The following ERBB3 variants were observed in gnomAD, a reference collection of about 807,000 sequenced individuals.
The protein encoded by ERBB3 is receptor tyrosine-protein kinase erbB-3.
A neutral mutation model predicts 156.7 loss-of-function variants in ERBB3; 96 were observed. That is an observed-to-expected ratio of 0.61 (90% CI 0.52 to 0.73). The LOEUF (loss-of-function observed/expected upper bound fraction) is 0.73, where lower values mean the gene tolerates loss of function less well. ERBB3 is among the 30% of genes least tolerant of loss of function. The pLI is 0.00. For missense variants in ERBB3, 1,406 were observed against 1,709.4 expected (o/e 0.82, Z 3.13); for synonymous variants, 567 against 632.0 (o/e 0.90, Z 1.54).
intron 1 of ERBB3, chr12:56,083,195 C>T (rs1485689746): frequency 1.1e-5 from 2 of 183,726 alleles, no homozygotes; most frequent in Admixed American, 1.1e-4. Flanking sequence ...GTGGGGCAGC[C>T]CCCCTCCTGG....
At chr12:56,091,302 T>TATATATATATAAATA (rs1565858549) in intron 9 of ERBB3, among the ~76,000 whole-genome samples, 1 of 85,788 alleles carries the variant, frequency 1.2e-5, no homozygotes, top group African/African-American at 4.7e-5. Flanking sequence ...ATATAAATAA[T>TATATATATATAAATA]ATATATAAAT....
intron 1 of ERBB3, among the ~76,000 whole-genome samples, chr12:56,081,884 C>T (rs1868357959): frequency 1.3e-5 from 2 of 152,112 alleles, no homozygotes; most frequent in South Asian, 4.1e-4. Context: ...TGTGACACTG[C>T]CCCTCCCTAT....
chr12:56,094,600 AG>A lies in ERBB3; in HGVS notation c.1859+46del. The stretch of plus-strand genomic sequence containing the variant: ...AGGAGAGGGGGTCAGGTGGAAGGGT[AG>A]GAGCACAGAACTAGAGTGAGGGAAG... On this transcript the variant is annotated intron_variant, in intron 15 of 27. Transcript: ENST00000267101. 5 of 1,602,896 alleles carry A rather than the reference AG, an allele frequency of 3.1e-6. No individual in the cohort carries two copies. In the South Asian group the frequency reaches 5.5e-5, roughly 18 times the overall value.
chr12:56,087,171 A>G (rs183933151), intron 4 of ERBB3, among the ~76,000 whole-genome samples: 13 of 150,826 alleles, frequency 8.6e-5, no homozygotes, highest in Admixed American at 2.0e-4. Flanking sequence ...AGTACTAAGC[A>G]GGGAAGCCAG....
rs1868800105 is a variant in ERBB3 at position 56,093,839 on chromosome 12, C to G, written c.1556C>G (p.Ser519Cys). The G allele has an allele frequency of 1.2e-6, 2 of 1,614,010 alleles. No individual in the cohort carries two copies. Among genetic ancestry groups the G allele is most frequent in the Non-Finnish European group, 1.7e-6 (2 of 1,179,980 alleles). ...CWGPGPGQCLSCRNYSRGGVC... is the reference protein window; with the variant it reads ...CWGPGPGQCLCCRNYSRGGVC... ...GGCCCAGGCCCTGGTCAGTGCTTGTCCTGTCGAAATTATAGCCGAGGAGGT... is the reference window on the plus strand; with the variant it reads ...GGCCCAGGCCCTGGTCAGTGCTTGTGCTGTCGAAATTATAGCCGAGGAGGT... The change falls in exon 13 of 28, where the codon TCC (serine) becomes TGC (cysteine). Residue 519 changes from serine to cysteine, a missense_variant. This residue lies in a region of ERBB3 where 979 missense variants were observed against 1,219.6 expected (regional missense o/e 0.80). Transcript: ENST00000267101.
In ERBB3 at chr12:56,093,365, T is replaced by C. The variant is rs756381479; in HGVS notation, c.1295T>C (p.Ile432Thr). The C allele has an allele frequency of 6.2e-7, 1 of 1,613,928 alleles. No homozygotes were observed. Among genetic ancestry groups the C allele is most frequent in the South Asian group, 1.1e-5 (1 of 91,078 alleles). Residue 432 changes from isoleucine to threonine, a missense_variant, in exon 12 of 28, where the codon ATC (isoleucine) becomes ACC (threonine). By Grantham distance (89) the Ile-to-Thr change is moderately conservative. This residue lies in a region of ERBB3 where 979 missense variants were observed against 1,219.6 expected (regional missense o/e 0.80). Transcript: ENST00000267101. ...SLYNRGFSLL[I>T]MKNLNVTSLG... ...CTCAGCCGGGGCTTCTCATTGTTGATCATGAAGAACTTGAATGTCACATCT... is the reference window on the plus strand; with the variant it reads ...CTCAGCCGGGGCTTCTCATTGTTGACCATGAAGAACTTGAATGTCACATCT...
At position 56,091,297 on chromosome 12, in the gene ERBB3, A is replaced by ATATATATATAT. The variant is rs1565858524; in HGVS notation, c.1110-1450_1110-1449insTATATATATAT. On this transcript the variant is annotated intron_variant, in intron 9 of 27. Coordinates refer to ENST00000267101, the MANE Select transcript of ERBB3 (RefSeq NM_001982.4). The stretch of plus-strand genomic sequence containing the variant: ...ATATATATATATATATATATATATA[A>ATATATATATAT]ATAATATATATAAATATAAATATAT... Among the ~76,000 whole-genome samples, 34 of 53,396 alleles carry ATATATATATAT rather than the reference A, an allele frequency of 6.4e-4. 3 individuals carry two copies. The highest frequency in any genetic ancestry group is 1.2e-3 in the Non-Finnish European group (29 of 23,994). The allele number at this position is 53,396 out of a possible 152,430, so 35.0% of individuals were successfully genotyped here.
In ERBB3 at chr12:56,083,902, G is replaced by C. The variant is rs1868392967; in HGVS notation, c.234G>C (p.Gln78His). ...TGHNADLSFL[Q>H]WIREVTGYVL... Reference sequence around the variant, plus strand: ...ACAATGCCGACCTCTCCTTCCTGCAGGTTAGTGAGCCCACCCTCCTTCCTC... The same window carrying C: ...ACAATGCCGACCTCTCCTTCCTGCACGTTAGTGAGCCCACCCTCCTTCCTC... The change falls in exon 2 of 28, where the codon CAG (glutamine) becomes CAC (histidine). Residue 78 changes from glutamine to histidine, a missense_variant and splice_region_variant. Physicochemically the swap from Gln to His is conservative, Grantham distance 24. This residue lies in a region of ERBB3 where 979 missense variants were observed against 1,219.6 expected (regional missense o/e 0.80). Coordinates refer to ENST00000267101, the MANE Select transcript of ERBB3 (RefSeq NM_001982.4). 5 of 1,613,996 alleles carry C rather than the reference G, an allele frequency of 3.1e-6. No homozygotes were observed. The highest frequency in any genetic ancestry group is 4.2e-6 in the Non-Finnish European group (5 of 1,179,942).
At position 56,092,835 on chromosome 12, in the gene ERBB3, G is replaced by C; in HGVS notation, c.1183+15G>C. 1.2e-6 allele frequency: 2 copies of C among 1,611,848 alleles called. No homozygotes were observed. The highest frequency in any genetic ancestry group is 1.7e-6 in the Non-Finnish European group (2 of 1,177,884). ...GGAGATCACAGGTGAGTGGCAGAGA[G>C]TTTGCCCTTTCTAGAAGAATAGGTG... On this transcript the variant is annotated intron_variant, in intron 10 of 27. Coordinates refer to ENST00000267101, the MANE Select transcript of ERBB3 (RefSeq NM_001982.4).
chr12:56,087,360 C>T (rs1868519539), intron 4 of ERBB3, among the ~76,000 whole-genome samples: 1 of 152,148 alleles, frequency 6.6e-6, no homozygotes. Flanking sequence ...AGTCCCTCCC[C>T]TTCAGCTGCC....
chr12:56,084,162 T>G (rs1379725886), intron 2 of ERBB3, among the ~76,000 whole-genome samples: 4 of 152,030 alleles, frequency 2.6e-5, no homozygotes, highest in Non-Finnish European at 5.9e-5. Context: ...CAGGGACTAG[T>G]GCAGAGAGAA....
At chr12:56,101,419 C>T (rs1869099854) in intron 27 of ERBB3, 58 bp downstream of exon 27, 4 of 1,595,670 alleles carry the variant, frequency 2.5e-6, no homozygotes, top group Non-Finnish European at 1.7e-6. Flanking sequence ...TCCCCGGGCT[C>T]CTCTTTTTTC....
chr12:56,084,737 A>C (rs1868416400), intron 2 of ERBB3, among the ~76,000 whole-genome samples: 1 of 152,128 alleles, frequency 6.6e-6, no homozygotes, highest in South Asian at 2.1e-4. Context: ...AATCCCAGCT[A>C]CTTGGGAGGC....
rs543942622 is a variant in ERBB3, at chr12:56,093,856, C to T, written c.1573C>T (p.Arg525Ter). ...GQCLSCRNYSRGGVCVTHCNF... is the reference protein window; with the variant it reads ...GQCLSCRNYS ...GTGCTTGTCCTGTCGAAATTATAGC[C>T]GAGGAGGTGTCTGTGTGACCCACTG... The change falls in exon 13 of 28, where the codon CGA becomes TGA. Residue 525 changes from arginine to a stop codon, truncating the protein, a stop_gained. Coordinates refer to ENST00000267101, the MANE Select transcript of ERBB3 (RefSeq NM_001982.4). LOFTEE classifies it high-confidence loss of function. 3.7e-6 allele frequency: 6 copies of T among 1,612,936 alleles called. No individual in the cohort carries two copies. Among genetic ancestry groups the T allele is most frequent in the East Asian group, 2.2e-5 (1 of 44,812 alleles).
chr12:56,093,710 A>C (rs1414851821), intron 12 of ERBB3, 54 bp from the exon 13 acceptor site: 4 of 1,611,076 alleles, frequency 2.5e-6, no homozygotes, highest in African/African-American at 1.3e-5. Flanking sequence ...TAATGAAGAG[A>C]GGGCTTGCTG....
In ERBB3 at chr12:56,095,344, A is replaced by G. The variant is rs769204920; in HGVS notation, c.1913+34A>G. 19 of 1,584,874 alleles carry G rather than the reference A, an allele frequency of 1.2e-5. No individual in the cohort carries two copies. In the South Asian group the frequency reaches 2.1e-4, roughly 18 times the overall value. The stretch of plus-strand genomic sequence containing the variant: ...GGGTTGGAGATTCTGGAAACTGGGG[A>G]TATTTGGGAGTTGGGAGAGAGGTGG... On this transcript the variant is annotated intron_variant, in intron 16 of 27. Transcript: ENST00000267101.
At chr12:56,097,716 G>T in intron 20 of ERBB3, 69 bp from the exon 21 acceptor site, 1 of 1,514,442 alleles carries the variant, frequency 6.6e-7, no homozygotes, top group South Asian at 1.1e-5. Flanking sequence ...TTCAAGATTT[G>T]GGGGAATTCC....
At chr12:56,089,513 C>T (rs1391405132) in intron 9 of ERBB3, among the ~76,000 whole-genome samples, 2 of 151,862 alleles carry the variant, frequency 1.3e-5, no homozygotes, top group African/African-American at 2.4e-5. Flanking sequence ...TTTGGGAGGC[C>T]GAGGTGGGCG....
chr12:56,102,122 C>A lies in ERBB3; in HGVS notation c.*67C>A. 7.2e-7 allele frequency: 1 copy of A among 1,388,016 alleles called. No individual in the cohort carries two copies. Among genetic ancestry groups the A allele is most frequent in the Non-Finnish European group, 1.0e-6 (1 of 987,578 alleles). The allele number at this position is 1,388,016 out of a possible 1,614,324, so 86.0% of individuals were successfully genotyped here. A position where few individuals can be genotyped will look rare whatever the true frequency, so the allele number is the denominator to read the frequency against. ...TAGTGCCTTTAGAGGGTACCGTCTT[C>A]TCCCTATTCCCTCTCTCTCCCAGGT... On this transcript the variant is annotated 3_prime_UTR_variant, in exon 28 of 28. Coordinates refer to ENST00000267101, the MANE Select transcript of ERBB3 (RefSeq NM_001982.4).
Sources: allele counts gnomAD v4.1 joint callset (sites outside exome capture counted in the v4.1 genomes callset), GRCh38; gene constraint gnomAD v4.1.1; regional missense constraint gnomAD v4.1.1; transcripts MANE v1.5; gene names NCBI Gene and HGNC (gene_info 2026-07-23, HGNC 2026-07-21).